The following CLMN variants were observed in gnomAD, a reference collection of about 807,000 sequenced individuals.
The protein encoded by CLMN is calmin (calponin-like, transmembrane).
In CLMN, 57 loss-of-function variants were observed where a neutral mutation model predicts 92.7. The ratio of observed to expected loss-of-function variants is 0.61; its 90% confidence interval spans 0.50 to 0.77. CLMN has a LOEUF of 0.77. Among genes scored for constraint, CLMN ranks in the 30% least tolerant of loss-of-function variants. The probability of loss-of-function intolerance (pLI) is 0.00; values close to 1 mark genes in which losing one functional copy is unlikely to be tolerated. For synonymous variants in CLMN, 466 were observed against 470.6 expected, an observed-to-expected ratio of 0.99 and a Z score of 0.13; for missense variants, 1,158 against 1,237.5, an observed-to-expected ratio of 0.94 and a Z score of 0.96.
At chr14:95,268,138 T>C (rs184457702) in intron 1 of CLMN, among the ~76,000 whole-genome samples, 2 of 152,272 alleles carry the variant, frequency 1.3e-5, no homozygotes, top group East Asian at 3.9e-4. Flanking sequence ...AATAATCTCT[T>C]ATATATTTCA....
At chr14:95,223,453 C>A (rs146832698) in intron 3 of CLMN, among the ~76,000 whole-genome samples, 1 of 151,954 alleles carries the variant, frequency 6.6e-6, no homozygotes, top group African/African-American at 2.4e-5. Context: ...CACTTCTCAG[C>A]GATGATTCTA....
chr14:95,260,861 A>G (rs1899223672), intron 1 of CLMN, among the ~76,000 whole-genome samples: 1 of 152,172 alleles, frequency 6.6e-6, no homozygotes, highest in Non-Finnish European at 1.5e-5. Context: ...GTTGTGGTCA[A>G]CCCTGACTTG....
rs549336535 is a variant in CLMN at position 95,204,367 on chromosome 14, G to T, written c.982C>A (p.Leu328Met). 1 of 1,614,012 alleles carries T rather than the reference G, an allele frequency of 6.2e-7. No homozygotes were observed. Among genetic ancestry groups the T allele is most frequent in the Non-Finnish European group, 8.5e-7 (1 of 1,180,010 alleles). The part of the protein sequence containing the change: ...PSEQESKVFV[L>M]TENGERTYTV... ...TAGGTACGCTCCCCATTTTCAGTCA[G>T]AACGAAGACTTTGCTCTCCTGTTCA... The change falls in exon 9 of 13, where the codon CTG (leucine) becomes ATG (methionine). Residue 328 changes from leucine (L) to methionine (M), a missense_variant. Transcript: ENST00000298912.
rs1899016165 is a variant in CLMN, at chr14:95,256,775, C to CA, written c.83-26643dup. Among the ~76,000 whole-genome samples, 1 of 152,152 alleles carries CA rather than the reference C, an allele frequency of 6.6e-6. No individual in the cohort carries two copies. The highest frequency in any genetic ancestry group is 1.5e-5 in the Non-Finnish European group (1 of 68,028). On this transcript the variant is annotated intron_variant, in intron 1 of 12. Coordinates refer to ENST00000298912, the MANE Select transcript of CLMN (RefSeq NM_024734.4). This position sits in a 1 kb window ranked among gnomAD's most constrained non-coding sequence, Gnocchi z 4.9. ...CCTGGTCCACATTGCACCGGGAAAACAGACATGGGGAAACTGGGGATGGCA... is the reference window on the plus strand; with the variant it reads ...CCTGGTCCACATTGCACCGGGAAAACAAGACATGGGGAAACTGGGGATGGCA...
chr14:95,220,223 C>T (rs1897489160), intron 4 of CLMN, among the ~76,000 whole-genome samples: 1 of 124,536 alleles, frequency 8.0e-6, no homozygotes, highest in South Asian at 2.7e-4. Flanking sequence ...GTTGCTCAGG[C>T]TGGAGTGCAG....
chr14:95,197,193 G>C (rs562193290), intron 9 of CLMN, among the ~76,000 whole-genome samples: 1 of 152,070 alleles, frequency 6.6e-6, no homozygotes, highest in Non-Finnish European at 1.5e-5. Context: ...AGGTTGCAGT[G>C]AGCCAAGATC....
At chr14:95,308,794 T>C (rs1595120726) in intron 1 of CLMN, among the ~76,000 whole-genome samples, 1 of 152,288 alleles carries the variant, frequency 6.6e-6, no homozygotes, top group South Asian at 2.1e-4. Context: ...GTAACTCAGG[T>C]TGCAACTCCC....
In CLMN at chr14:95,213,256, T is replaced by G; in HGVS notation, c.571A>C (p.Lys191Gln). The change falls in exon 6 of 13, where the codon AAG becomes CAG. Residue 191 changes from lysine (K) to glutamine (Q), a missense_variant. Coordinates refer to ENST00000298912, the MANE Select transcript of CLMN (RefSeq NM_024734.4). ...CTCTGCACCCACGCCAACAGGGCCTTGATAGCCTTCCTCTGGTCTTTCACC... is the reference window on the plus strand; with the variant it reads ...CTCTGCACCCACGCCAACAGGGCCTGGATAGCCTTCCTCTGGTCTTTCACC... ...ISVKDQRKAI[K>Q]ALLAWVQRKT... The G allele has an allele frequency of 6.2e-7, 1 of 1,614,092 alleles. No individual in the cohort carries two copies. Among genetic ancestry groups the G allele is most frequent in the Non-Finnish European group, 8.5e-7 (1 of 1,179,996 alleles).
At chr14:95,201,721 T>C (rs1896888994) in intron 9 of CLMN, among the ~76,000 whole-genome samples, 1 of 152,098 alleles carries the variant, frequency 6.6e-6, no homozygotes, top group South Asian at 2.1e-4. Flanking sequence ...TTTGTCCTAA[T>C]GATCTCCCTC....
intron 1 of CLMN, among the ~76,000 whole-genome samples, chr14:95,242,250 C>CTTTTTTTCTTTTTTTTTTTTT (rs1898273390): frequency 1.1e-5 from 1 of 92,586 alleles, no homozygotes; most frequent in Non-Finnish European, 2.3e-5. Context: ...TTTTCTTTTT[C>CTTTTTTTCTTTTTTTTTTTTT]TTTTTTTTTT....
At chr14:95,277,111 G>A (rs1184174135) in intron 1 of CLMN, among the ~76,000 whole-genome samples, 1 of 151,078 alleles carries the variant, frequency 6.6e-6, no homozygotes, top group African/African-American at 2.5e-5. Context: ...CAAACTGGTT[G>A]AATGAATGGT....
At chr14:95,200,455 G>A (rs113414919) in intron 9 of CLMN, among the ~76,000 whole-genome samples, 1 of 152,308 alleles carries the variant, frequency 6.6e-6, no homozygotes, top group African/African-American at 2.4e-5. Flanking sequence ...GAGAGGCCGA[G>A]CCCAGGCCCT....
intron 1 of CLMN, among the ~76,000 whole-genome samples, chr14:95,293,290 C>CTCCT (rs1900663520): frequency 1.3e-5 from 1 of 79,534 alleles, no homozygotes; most frequent in Admixed American, 1.3e-4. Context: ...TCCTCCCTCC[C>CTCCT]TCCTTCCTTC....
Position 95,194,426 on chromosome 14 carries a change from A to G in CLMN, c.2769+110T>C, listed in dbSNP as rs1478859716. ...ATCTGCTTGTCTTCTATCCAAAAGT[A>G]TAGCTGTTGCATGCCAGTAATTTCA... is the stretch of plus-strand genomic sequence containing the variant. On this transcript the variant is annotated intron_variant, in intron 11 of 12. Coordinates refer to ENST00000298912, the MANE Select transcript of CLMN (RefSeq NM_024734.4). The surrounding 1 kb of genome is among the most constrained non-coding windows in gnomAD (Gnocchi z 4.0). 2 of 1,581,492 alleles carry G rather than the reference A, an allele frequency of 1.3e-6. No individual in the cohort carries two copies. Among genetic ancestry groups the G allele is most frequent in the African/African-American group, 2.7e-5 (2 of 73,490 alleles).
intron 1 of CLMN, among the ~76,000 whole-genome samples, chr14:95,300,831 G>A (rs1901020853): frequency 6.6e-6 from 1 of 152,236 alleles, no homozygotes; most frequent in Non-Finnish European, 1.5e-5. Flanking sequence ...CAGAGACTAG[G>A]TCTGTTCTCC....
At chr14:95,263,457 T>C (rs1197715988) in intron 1 of CLMN, among the ~76,000 whole-genome samples, 1 of 152,166 alleles carries the variant, frequency 6.6e-6, no homozygotes, top group African/African-American at 2.4e-5. Flanking sequence ...CACTGGGGTC[T>C]GGCACCTACA....
rs114143013 is a variant in CLMN at position 95,203,150 on chromosome 14, C to T, written c.2199G>A (p.Glu733=). 1.1e-3 allele frequency: 1,839 copies of T among 1,612,766 alleles called. 24 individuals are homozygous for T. The African/African-American group carries it at 0.022, about 19-fold the overall frequency. The change falls in exon 9 of 13, where the codon GAG becomes GAA. Residue 733 remains glutamate, a synonymous_variant. Transcript: ENST00000298912. ...CCTCCAAAACTGCAGCCAGGGGAAC[C>T]TCATAGTGTGGGAAATAGAAGAGGT... ...PHDLFYFPHY[E]VPLAAVLEAY... is the part of the protein sequence containing the mutation.
In CLMN at chr14:95,319,270, C is replaced by G. The variant is rs545317183; in HGVS notation, c.82+441G>C. On this transcript the variant is annotated intron_variant, in intron 1 of 12. Transcript: ENST00000298912. ...AAGCGCCGCCCACCATTCAATTCCC[C>G]TTGCCTCGAAGGTACTTAGGAAGTG... is the stretch of plus-strand genomic sequence containing the variant. Among the ~76,000 whole-genome samples, 31 of 152,092 alleles carry G rather than the reference C, an allele frequency of 2.0e-4. No individual in the cohort carries two copies. The East Asian group carries it at 5.4e-3, about 27-fold the overall frequency.
At chr14:95,240,991 A>C (rs1373823710) in intron 1 of CLMN, among the ~76,000 whole-genome samples, 1 of 152,162 alleles carries the variant, frequency 6.6e-6, no homozygotes, top group African/African-American at 2.4e-5. Context: ...TGCGGAAGAA[A>C]GGTGTGATCT....
Sources: allele counts gnomAD v4.1 joint callset (sites outside exome capture counted in the v4.1 genomes callset), GRCh38; gene constraint gnomAD v4.1.1; non-coding constraint Gnocchi (gnomAD v3.1); transcripts MANE v1.5; gene names NCBI Gene and HGNC (gene_info 2026-07-23, HGNC 2026-07-21).